Variants in RNF34 observed in about 807,000 individuals in gnomAD.
RNF34 encodes the protein E3 ubiquitin-protein ligase RNF34.
In RNF34, 12 loss-of-function variants were observed where a neutral mutation model predicts 37.9. The observed-to-expected ratio is 0.32, with a 90% confidence interval of 0.20 to 0.51. The LOEUF (loss-of-function observed/expected upper bound fraction) is 0.51, where lower values mean the gene tolerates loss of function less well. RNF34 is among the 20% of genes least tolerant of loss of function. The pLI is 0.97. For synonymous variants in RNF34, 155 were observed against 177.2 expected (o/e 0.87, Z 1.00); for missense variants, 362 against 472.7 (o/e 0.77, Z 2.17).
In RNF34 at chr12:121,423,862, A is replaced by C. The variant is rs1555283896; in HGVS notation, c.*286A>C. ...TGTTTGCGCCATGTGGGCATCAGCC[A>C]CTGCTGTCTTGGGAGGACACTTATC... On this transcript the variant is annotated 3_prime_UTR_variant, in exon 6 of 6. Coordinates refer to ENST00000361234, the MANE Select transcript of RNF34 (RefSeq NM_025126.4). The surrounding 1 kb of genome is among the most constrained non-coding windows in gnomAD (Gnocchi z 4.3). The C allele has an allele frequency of 5.4e-6, 2 of 367,708 alleles. No individual in the cohort carries two copies. Among genetic ancestry groups the C allele is most frequent in the Non-Finnish European group, 1.0e-5 (2 of 199,484 alleles). The allele number at this position is 367,708 out of a possible 1,614,324, so 22.8% of individuals were successfully genotyped here.
chr12:121,410,876 C>T (rs1167736001), intron 1 of RNF34, among the ~76,000 whole-genome samples: 1 of 152,136 alleles, frequency 6.6e-6, no homozygotes, highest in Non-Finnish European at 1.5e-5. Flanking sequence ...CTGAGTTGTA[C>T]TGAATATTGG....
chr12:121,420,119 G>A (rs1340642410), intron 3 of RNF34, 123 bp from the exon 4 acceptor site: 8 of 867,740 alleles, frequency 9.2e-6, no homozygotes, highest in Non-Finnish European at 1.4e-5. Context: ...GCAGCATTCT[G>A]AATCCAAAGA....
At chr12:121,412,230 CTTTTTTT>C (rs560473770) in intron 1 of RNF34, among the ~76,000 whole-genome samples, 3 of 49,648 alleles carry the variant, frequency 6.0e-5, no homozygotes, top group Non-Finnish European at 1.1e-4. Flanking sequence ...CCCAACTAAT[CTTTTTTT>C]TTTTTTTTTT....
intron 1 of RNF34, among the ~76,000 whole-genome samples, chr12:121,415,028 G>A (rs982429920): frequency 2.6e-5 from 4 of 152,126 alleles, no homozygotes; most frequent in East Asian, 1.9e-4. Flanking sequence ...CCCGGGAGGC[G>A]GACGTTGCAG....
chr12:121,408,978 C>G (rs1206245157), intron 1 of RNF34, among the ~76,000 whole-genome samples: 5 of 146,542 alleles, frequency 3.4e-5, no homozygotes, highest in South Asian at 2.1e-4. Flanking sequence ...GTGACCCTTT[C>G]TTTTTTTTTT....
rs1555283799 is a variant in RNF34 at position 121,423,479 on chromosome 12, G to A, written c.1022G>A (p.Gly341Glu). ...ATCGACTGTGTCCTACTGGAGTGTGGGCACATGGTTACCTGCACCAAGTGC... is the reference window on the plus strand; with the variant it reads ...ATCGACTGTGTCCTACTGGAGTGTGAGCACATGGTTACCTGCACCAAGTGC... Reference protein sequence around the residue: ...AVIDCVLLECGHMVTCTKCGK... With the variant: ...AVIDCVLLECEHMVTCTKCGK... Residue 341 changes from glycine (G) to glutamate (E), a missense_variant, in exon 6 of 6, where the codon GGG becomes GAG. Physicochemically the swap from Gly to Glu is moderately conservative, Grantham distance 98. Transcript: ENST00000361234. The surrounding 1 kb of genome is among the most constrained non-coding windows in gnomAD (Gnocchi z 4.3). 6.2e-7 allele frequency: 1 copy of A among 1,613,970 alleles called. No homozygotes were observed. The highest frequency in any genetic ancestry group is 2.2e-5 in the East Asian group (1 of 44,886).
intron 5 of RNF34, among the ~76,000 whole-genome samples, chr12:121,421,371 T>TACAAAAAAAAAAAAAAA (rs35925457): frequency 2.2e-5 from 1 of 46,370 alleles, no homozygotes; most frequent in African/African-American, 6.8e-5. Flanking sequence ...ATCCCATCTC[T>TACAAAAAAAAAAAAAAA]AAAAAAAAAA....
Position 121,423,403 on chromosome 12 carries a change from C to A in RNF34, c.946C>A (p.Leu316Met). 6.2e-7 allele frequency: 1 copy of A among 1,608,608 alleles called. No homozygotes were observed. Among genetic ancestry groups the A allele is most frequent in the East Asian group, 2.2e-5 (1 of 44,694 alleles). The change falls in exon 6 of 6, where the codon CTG (leucine) becomes ATG (methionine). Residue 316 changes from leucine to methionine, a missense_variant. Leu to Met is a conservative substitution (Grantham distance 15, BLOSUM62 2). Coordinates refer to ENST00000361234, the MANE Select transcript of RNF34 (RefSeq NM_025126.4). The surrounding 1 kb of genome is among the most constrained non-coding windows in gnomAD (Gnocchi z 4.3). ...CCTTTCAGATGGCGAGCGGCTGCAG[C>A]TGCAGGATGAGGAAGACGACAGCCT... Reference protein sequence around the residue: ...NQKSYGERLQLQDEEDDSLCR... With the variant: ...NQKSYGERLQMQDEEDDSLCR...
rs1040942529 is a variant in RNF34 at position 121,418,178 on chromosome 12, A to C, written c.633+267A>C. On this transcript the variant is annotated intron_variant, in intron 3 of 5. Transcript: ENST00000361234. Reference sequence around the variant, plus strand: ...CTTAGTTAATTTCTCTGTCTTACACAGTTAGACACTAACTGTTGAAGAAAT... The same window carrying C: ...CTTAGTTAATTTCTCTGTCTTACACCGTTAGACACTAACTGTTGAAGAAAT... 4 of 426,444 alleles carry C rather than the reference A, an allele frequency of 9.4e-6. No individual in the cohort carries two copies. In the South Asian group the frequency reaches 1.1e-4, roughly 12 times the overall value. 26.4% of individuals were successfully genotyped at this position (426,444 alleles called of 1,614,324 possible).
At chr12:121,402,368 T>G (rs1302816134) in intron 1 of RNF34, among the ~76,000 whole-genome samples, 3 of 152,354 alleles carry the variant, frequency 2.0e-5, no homozygotes, top group Middle Eastern at 3.4e-3. Flanking sequence ...TAAGTACATG[T>G]TCACTCAAAC....
intron 4 of RNF34, 77 bp downstream of exon 4, chr12:121,420,411 T>C: frequency 6.4e-7 from 1 of 1,553,428 alleles, no homozygotes; most frequent in Non-Finnish European, 8.7e-7. Flanking sequence ...GGACATTCGC[T>C]AGATTAGTAC....
At chr12:121,412,875 G>A (rs1871219315) in intron 1 of RNF34, among the ~76,000 whole-genome samples, 1 of 147,542 alleles carries the variant, frequency 6.8e-6, no homozygotes. Context: ...CAGGTGCCTG[G>A]GCCAGCTATT....
intron 5 of RNF34, among the ~76,000 whole-genome samples, chr12:121,421,385 A>ACAAAC (rs559449494): frequency 2.7e-5 from 4 of 147,274 alleles, no homozygotes; most frequent in Non-Finnish European, 4.6e-5. Context: ...AAAAAAAAAA[A>ACAAAC]AAAAAAAAAA....
chr12:121,400,925 C>T (rs1869925680), intron 1 of RNF34, among the ~76,000 whole-genome samples: 2 of 152,186 alleles, frequency 1.3e-5, no homozygotes, highest in Non-Finnish European at 2.9e-5. Flanking sequence ...AGAGATGATT[C>T]TCAACCCGAT....
chr12:121,417,405 C>A lies in RNF34; in HGVS notation c.226-99C>A. The stretch of plus-strand genomic sequence containing the variant: ...TAGTCTGGTGCCACTGGGGACTTCA[C>A]TAAGAACTAAAATTAAATTTTAGTA... On this transcript the variant is annotated intron_variant, in intron 2 of 5. Coordinates refer to ENST00000361234, the MANE Select transcript of RNF34 (RefSeq NM_025126.4). The surrounding 1 kb of genome is among the most constrained non-coding windows in gnomAD (Gnocchi z 5.0). The A allele has an allele frequency of 9.4e-7, 1 of 1,063,796 alleles. No homozygotes were observed. Among genetic ancestry groups the A allele is most frequent in the Non-Finnish European group, 1.4e-6 (1 of 740,244 alleles). 65.9% of individuals were successfully genotyped at this position (1,063,796 alleles called of 1,614,324 possible).
At chr12:121,421,371 TAAAAAAAAAA>T (rs11398833) in intron 5 of RNF34, among the ~76,000 whole-genome samples, 1,437 of 46,390 alleles carry the variant, frequency 0.031, 43 homozygotes, top group African/African-American at 0.091. Context: ...ATCCCATCTC[TAAAAAAAAAA>T]AAAAAAAAAA....
In RNF34 at chr12:121,420,583, G is replaced by A. The variant is rs143285387; in HGVS notation, c.733G>A (p.Gly245Arg). 1.9e-5 allele frequency: 30 copies of A among 1,613,882 alleles called. No homozygotes were observed. Among genetic ancestry groups the A allele is most frequent in the Admixed American group, 5.0e-5 (3 of 60,018 alleles). ...EEENAEDRNP[G>R]LSKERVRASL... ...GGATGCTCTGTGGTTTCAGAACCCC[G>A]GGCTCTCCAAGGAGAGAGTGAGAGC... Residue 245 changes from glycine (G) to arginine (R), a missense_variant, in exon 5 of 6, where the codon GGG becomes AGG. Transcript: ENST00000361234.
chr12:121,421,372 A>ACAAAAAC (rs1555283356), intron 5 of RNF34, among the ~76,000 whole-genome samples: 2 of 53,872 alleles, frequency 3.7e-5, no homozygotes, highest in African/African-American at 8.2e-5. Context: ...TCCCATCTCT[A>ACAAAAAC]AAAAAAAAAA....
rs144069576 is a variant in RNF34, at chr12:121,413,872, G to T, written c.7-2287G>T. Among the ~76,000 whole-genome samples, 321 of 152,212 alleles carry T rather than the reference G, an allele frequency of 2.1e-3. 3 individuals carry two copies. Among genetic ancestry groups the T allele is most frequent in the African/African-American group, 7.4e-3 (307 of 41,534 alleles). ...TTACAGGTGTGAGCCACCGCGCCCG[G>T]CTTCACCTGACTTTTAAAGGCATCA... On this transcript the variant is annotated intron_variant, in intron 1 of 5. Transcript: ENST00000361234.
Sources: gnomAD v4.1 joint callset for allele counts (sites outside exome capture counted in the v4.1 genomes callset) on GRCh38, gnomAD v4.1.1 for gene constraint, Gnocchi (gnomAD v3.1) non-coding constraint, MANE v1.5 for transcripts, NCBI Gene and HGNC (gene_info 2026-07-23, HGNC 2026-07-21) for gene names.